PLCH2: variants seen among roughly 807,000 people sequenced by gnomAD.
The protein encoded by PLCH2 is 1-phosphatidylinositol 4,5-bisphosphate phosphodiesterase eta-2.
In PLCH2, 98 loss-of-function variants were observed where a neutral mutation model predicts 134.7. That is an observed-to-expected ratio of 0.73 (90% CI 0.62 to 0.86). PLCH2 has a LOEUF of 0.86. PLCH2 is among the 40% of genes least tolerant of loss of function. The pLI is 0.00. For missense variants in PLCH2, 1,994 were observed against 1,986.6 expected (o/e 1.00, Z -0.07); for synonymous variants, 974 against 827.5 (o/e 1.18, Z -3.04).
chr1:2,469,465 C>T (rs1439522043), intron 1 of PLCH2, among the ~76,000 whole-genome samples: 1 of 152,250 alleles, frequency 6.6e-6, no homozygotes, highest in Non-Finnish European at 1.5e-5. Flanking sequence ...TGGGTCCAGC[C>T]CTCCATCTGC....
At chr1:2,438,558 G>A (rs1639540664) in intron 2 of PLCH2, among the ~76,000 whole-genome samples, 1 of 152,154 alleles carries the variant, frequency 6.6e-6, no homozygotes, top group South Asian at 2.1e-4. Context: ...GAGGGCTCTG[G>A]GTGTGGGTGC....
intron 1 of PLCH2, among the ~76,000 whole-genome samples, chr1:2,429,776 C>T (rs1353382804): frequency 6.6e-6 from 1 of 152,176 alleles, no homozygotes; most frequent in Non-Finnish European, 1.5e-5. Context: ...GAAAGGGCTG[C>T]CCGCCATGCC....
intron 1 of PLCH2, 149 bp downstream of exon 1, chr1:2,476,861 A>G: frequency 2.4e-6 from 2 of 840,652 alleles, no homozygotes; most frequent in South Asian, 2.0e-5. Flanking sequence ...TCTAGGGATC[A>G]TGTGGGTCCA....
chr1:2,424,710 G>A (rs140445640), upstream of PLCH2, among the ~76,000 whole-genome samples: 1,038 of 152,154 alleles, frequency 6.8e-3, 9 homozygotes, highest in African/African-American at 0.022. Context: ...AAATTAGGCC[G>A]GGCGCGGTGG....
rs542612070 is a variant in PLCH2 at position 2,479,391 on chromosome 1, G to A, written c.272-343G>A. 28 of 232,022 alleles carry A rather than the reference G, an allele frequency of 1.2e-4. No homozygotes were observed. The South Asian group carries it at 2.0e-3, about 17-fold the overall frequency. The allele number at this position is 232,022 out of a possible 1,614,324, so 14.4% of individuals were successfully genotyped here. A position where few individuals can be genotyped will look rare whatever the true frequency, so the allele number is the denominator to read the frequency against. On this transcript the variant is annotated intron_variant, in intron 2 of 21. Coordinates refer to ENST00000378486, the MANE Select transcript of PLCH2 (RefSeq NM_014638.4). Reference sequence around the variant, plus strand: ...GGCGCTGGAGCCCTGGAGGTGTCCAGGGGCTTCCTTGGAACGTGGAGACGT... The same window carrying A: ...GGCGCTGGAGCCCTGGAGGTGTCCAAGGGCTTCCTTGGAACGTGGAGACGT...
chr1:2,449,703 T>A (rs1640104319), intron 2 of PLCH2, among the ~76,000 whole-genome samples: 1 of 152,190 alleles, frequency 6.6e-6, no homozygotes, highest in South Asian at 2.1e-4. Flanking sequence ...ATCCCAAATC[T>A]GCAACTGTGT....
intron 2 of PLCH2, among the ~76,000 whole-genome samples, chr1:2,455,252 TG>T (rs1396125068): frequency 1.3e-5 from 2 of 152,140 alleles, no homozygotes; most frequent in African/African-American, 4.8e-5. Flanking sequence ...AACTGGACGT[TG>T]GCTGCGTGAT....
intron 2 of PLCH2, among the ~76,000 whole-genome samples, chr1:2,441,230 C>T (rs965730950): frequency 6.6e-6 from 1 of 152,152 alleles, no homozygotes; most frequent in Non-Finnish European, 1.5e-5. Flanking sequence ...CAGCCCCTGC[C>T]GGCCCCTGCC....
upstream of PLCH2, among the ~76,000 whole-genome samples, chr1:2,473,728 A>G (rs1166504665): frequency 6.6e-6 from 1 of 152,210 alleles, no homozygotes; most frequent in Non-Finnish European, 1.5e-5. Flanking sequence ...TCCCGGGGTC[A>G]GGCAGTGCTC....
intron 2 of PLCH2, among the ~76,000 whole-genome samples, chr1:2,450,016 T>C (rs1044650293): frequency 6.6e-6 from 1 of 152,206 alleles, no homozygotes; most frequent in Non-Finnish European, 1.5e-5. Context: ...TGAATGAAGC[T>C]GTTTCTCTGC....
At position 2,488,155 on chromosome 1, in the gene PLCH2, C is replaced by T. The variant is rs577593193; in HGVS notation, c.1235+437C>T. On this transcript the variant is annotated intron_variant, in intron 8 of 21. Coordinates refer to ENST00000378486, the MANE Select transcript of PLCH2 (RefSeq NM_014638.4). ...CTTCAAGTCTTGGCTACATGAGGCT[C>T]GCAGGTGGGCAAGGAGCTAATTGCA... 2.1e-4 allele frequency among the ~76,000 whole-genome samples: 32 copies of T among 152,326 alleles called. No homozygotes were observed. In the South Asian group the frequency reaches 5.0e-3, roughly 24 times the overall value.
chr1:2,476,127 A>T (rs1488048567), upstream of PLCH2, among the ~76,000 whole-genome samples: 1 of 152,192 alleles, frequency 6.6e-6, no homozygotes, highest in Non-Finnish European at 1.5e-5. Flanking sequence ...CTTGTCCCGC[A>T]GCCCTGACCT....
intron 11 of PLCH2, chr1:2,493,341 C>G (rs1422430166): frequency 6.6e-6 from 1 of 152,228 alleles, no homozygotes; most frequent in African/African-American, 2.4e-5. Context: ...GTGGCCCCGA[C>G]CGGCTCCAGG....
intron 5 of PLCH2, 69 bp from the exon 6 acceptor site, chr1:2,486,838 G>A: frequency 8.3e-7 from 1 of 1,201,928 alleles, no homozygotes; most frequent in Non-Finnish European, 1.2e-6. Flanking sequence ...AGTGGTGATG[G>A]GGGAGCTGCC....
At chr1:2,443,334 G>A (rs1363319974) in intron 2 of PLCH2, among the ~76,000 whole-genome samples, 3 of 152,224 alleles carry the variant, frequency 2.0e-5, no homozygotes, top group Non-Finnish European at 4.4e-5. Flanking sequence ...CCAGGCCCCA[G>A]TCCTCAAACG....
Position 2,487,216 on chromosome 1 carries a change from C to T in PLCH2, c.954C>T (p.Asn318=). ...GGAGCCCTGCTGGTGACATCTTCAACCCTGAGCACCACCATGTGCACCAGG... is the reference window on the plus strand; with the variant it reads ...GGAGCCCTGCTGGTGACATCTTCAATCCTGAGCACCACCATGTGCACCAGG... The part of the protein sequence containing the change: ...YTRSPAGDIF[N]PEHHHVHQDM... The change falls in exon 7 of 22, where the codon AAC becomes AAT. Residue 318 remains asparagine, a synonymous_variant. Transcript: ENST00000378486. 1.3e-6 allele frequency: 2 copies of T among 1,596,314 alleles called. No homozygotes were observed. Among genetic ancestry groups the T allele is most frequent in the African/African-American group, 1.3e-5 (1 of 74,752 alleles).
At position 2,496,750 on chromosome 1, in the gene PLCH2, C is replaced by T. The variant is rs771020662; in HGVS notation, c.1933+46C>T. The T allele has an allele frequency of 5.0e-6, 8 of 1,609,866 alleles. No individual in the cohort carries two copies. The African/African-American group carries it at 8.0e-5, about 16-fold the overall frequency. On this transcript the variant is annotated intron_variant, in intron 14 of 21. Transcript: ENST00000378486. Reference sequence around the variant, plus strand: ...GGGCCACGGGCGGAGGCCTCCCTGTCCCCCATCCCTGCTATGCTGCTGGGC... The same window carrying T: ...GGGCCACGGGCGGAGGCCTCCCTGTTCCCCATCCCTGCTATGCTGCTGGGC...
intron 21 of PLCH2, chr1:2,503,130 G>A (rs1401131514): frequency 1.5e-6 from 1 of 667,714 alleles, no homozygotes; most frequent in African/African-American, 1.8e-5. Flanking sequence ...GACTTGGGTG[G>A]AGCTGGTTTG....
At position 2,451,246 on chromosome 1, in the gene PLCH2, C is replaced by T. The variant is rs1640209173; in HGVS notation, c.115+20617C>T. On this transcript the variant is annotated intron_variant, in intron 2 of 3. Transcript: ENST00000609981. ...CCCTCCCCCTCCCAGCCAAGGCAGG[C>T]GGTGGTGGGCTTGCCTCGTGTCCCG... is the stretch of plus-strand genomic sequence containing the variant. Among the ~76,000 whole-genome samples the T allele has an allele frequency of 2.0e-5, 3 of 152,180 alleles. No individual in the cohort carries two copies. In the South Asian group the frequency reaches 6.2e-4, roughly 32 times the overall value.
Sources: allele counts gnomAD v4.1 joint callset (sites outside exome capture counted in the v4.1 genomes callset), GRCh38; gene constraint gnomAD v4.1.1; transcripts MANE v1.5; gene names NCBI Gene and HGNC (gene_info 2026-07-23, HGNC 2026-07-21).